SYNDIG1L: variants seen among roughly 807,000 people sequenced by gnomAD.
SYNDIG1L encodes synapse differentiation inducing 1 like.
A neutral mutation model predicts 20.1 loss-of-function variants in SYNDIG1L; 13 were observed. That is an observed-to-expected ratio of 0.65 (90% confidence interval 0.42 to 1.03). The LOEUF (loss-of-function observed/expected upper bound fraction) is 1.03, where lower values mean the gene tolerates loss of function less well. SYNDIG1L is among the 50% of genes least tolerant of loss of function. SYNDIG1L has a pLI of 0.00. For synonymous variants in SYNDIG1L, 128 were observed against 129.3 expected (o/e 0.99, Z 0.07); for missense variants, 294 against 305.1 (o/e 0.96, Z 0.27).
the SYNDIG1L span, among the ~76,000 whole-genome samples, chr14:74,462,924 A>C: frequency 6.6e-6 from 1 of 152,166 alleles, no homozygotes; most frequent in Non-Finnish European, 1.5e-5. Context: ...GTGACAGTCC[A>C]TCCCTTCTGC....
chr14:74,453,130 T>TA, the SYNDIG1L span, among the ~76,000 whole-genome samples: 10 of 151,960 alleles, frequency 6.6e-5, no homozygotes, highest in Admixed American at 5.2e-4. Context: ...GTGGATCACC[T>TA]AAGGTCAGGA....
the SYNDIG1L span, among the ~76,000 whole-genome samples, chr14:74,439,038 C>T: frequency 4.1e-5 from 6 of 147,936 alleles, no homozygotes; most frequent in Non-Finnish European, 7.4e-5. Flanking sequence ...CACTTGAACC[C>T]GGGAGGCAGA....
the SYNDIG1L span, among the ~76,000 whole-genome samples, chr14:74,463,339 C>A: frequency 6.6e-6 from 1 of 152,182 alleles, no homozygotes; most frequent in African/African-American, 2.4e-5. Context: ...TACTATCTGT[C>A]CATCCCTGAA....
At chr14:74,444,054 T>C in the SYNDIG1L span, among the ~76,000 whole-genome samples, 3 of 152,192 alleles carry the variant, frequency 2.0e-5, no homozygotes, top group Non-Finnish European at 4.4e-5. Context: ...ATGATATTCA[T>C]TTGAAGGAAT....
At chr14:74,464,855 G>A in the SYNDIG1L span, among the ~76,000 whole-genome samples, 2 of 152,186 alleles carry the variant, frequency 1.3e-5, no homozygotes, top group Non-Finnish European at 2.9e-5. Flanking sequence ...TTACACAGAG[G>A]TAAGGAGTTA....
the SYNDIG1L span, among the ~76,000 whole-genome samples, chr14:74,435,345 C>A: frequency 6.6e-6 from 1 of 152,180 alleles, no homozygotes; most frequent in Non-Finnish European, 1.5e-5. Flanking sequence ...TGTTCCAGAG[C>A]ACAGTGTACA....
intron 2 of SYNDIG1L, among the ~76,000 whole-genome samples, chr14:74,409,047 AT>A (rs927502502): frequency 8.9e-6 from 1 of 112,222 alleles, no homozygotes; most frequent in African/African-American, 3.5e-5. Context: ...GGGAACTTGC[AT>A]TTTATTTATT....
chr14:74,446,782 AATTT>A, the SYNDIG1L span, among the ~76,000 whole-genome samples: 4 of 152,040 alleles, frequency 2.6e-5, no homozygotes, highest in Non-Finnish European at 5.9e-5. Flanking sequence ...ACGCTCGGCT[AATTT>A]TTGTATTTTT....
chr14:74,459,607 G>T, the SYNDIG1L span, among the ~76,000 whole-genome samples: 9 of 152,212 alleles, frequency 5.9e-5, no homozygotes, highest in Non-Finnish European at 1.0e-4. Flanking sequence ...TTCAAACCAT[G>T]CTTGGTACCC....
the SYNDIG1L span, among the ~76,000 whole-genome samples, chr14:74,473,166 A>T: frequency 1.3e-5 from 2 of 152,220 alleles, no homozygotes; most frequent in African/African-American, 4.8e-5. Context: ...TGGATGGATC[A>T]CTTGATGTCA....
the SYNDIG1L span, among the ~76,000 whole-genome samples, chr14:74,472,919 G>A: frequency 6.6e-6 from 1 of 152,166 alleles, no homozygotes; most frequent in Admixed American, 6.6e-5. Flanking sequence ...AGTCAGAGGA[G>A]GGGGGCGGAA....
intron 1 of SYNDIG1L, among the ~76,000 whole-genome samples, chr14:74,422,886 TG>T (rs1331272567): frequency 1.4e-4 from 21 of 151,950 alleles, no homozygotes; most frequent in Admixed American, 5.2e-4. Context: ...TTAGTAGAGA[TG>T]GGGGTTTCGC....
chr14:74,455,259 G>T, the SYNDIG1L span, among the ~76,000 whole-genome samples: 1 of 152,178 alleles, frequency 6.6e-6, no homozygotes, highest in Admixed American at 6.6e-5. Flanking sequence ...AACCAGGGGA[G>T]GCCAGCCTGG....
the SYNDIG1L span, among the ~76,000 whole-genome samples, chr14:74,438,970 CA>C: frequency 5.3e-5 from 8 of 152,106 alleles, no homozygotes; most frequent in Admixed American, 2.0e-4. Context: ...AAAAATTAGT[CA>C]GGCGTGGTGG....
chr14:74,463,130 C>T, the SYNDIG1L span, among the ~76,000 whole-genome samples: 8 of 152,206 alleles, frequency 5.3e-5, no homozygotes, highest in African/African-American at 1.9e-4. Flanking sequence ...GACTGCTCTC[C>T]CTGGGTCTCC....
the SYNDIG1L span, among the ~76,000 whole-genome samples, chr14:74,471,121 C>T: frequency 1.3e-5 from 2 of 152,242 alleles, no homozygotes; most frequent in South Asian, 4.2e-4. Context: ...AAATGTTCTT[C>T]GTACTTTCTG....
At chr14:74,470,041 AG>A in the SYNDIG1L span, among the ~76,000 whole-genome samples, 1 of 152,110 alleles carries the variant, frequency 6.6e-6, no homozygotes, top group Non-Finnish European at 1.5e-5. Flanking sequence ...TTATGAGAAA[AG>A]GAGAAAATGC....
chr14:74,407,775 C>G (rs1403586873), intron 3 of SYNDIG1L, 74 bp downstream of exon 3: 2 of 1,576,096 alleles, frequency 1.3e-6, no homozygotes, highest in African/African-American at 2.7e-5. Context: ...CTGACCCCAT[C>G]CTGCAGACGG....
At chr14:74,420,167 C>T (rs1009511817) in intron 1 of SYNDIG1L, among the ~76,000 whole-genome samples, 12 of 151,998 alleles carry the variant, frequency 7.9e-5, no homozygotes, top group East Asian at 1.9e-4. Context: ...AAGGTCGAGG[C>T]GGGTGGATGA....
Sources: gnomAD v4.1 joint callset for allele counts (sites outside exome capture counted in the v4.1 genomes callset) on GRCh38, gnomAD v4.1.1 for gene constraint, MANE v1.5 for transcripts, NCBI Gene and HGNC (gene_info 2026-07-23, HGNC 2026-07-21) for gene names.